The following KCNAB1 variants were observed in gnomAD, a reference collection of about 807,000 sequenced individuals.
KCNAB1 encodes voltage-gated potassium channel subunit beta-1.
Under a neutral mutation model 64.6 loss-of-function variants are expected in KCNAB1, and 35 were observed. The observed-to-expected ratio is 0.54, with a 90% CI of 0.41 to 0.72. The LOEUF (loss-of-function observed/expected upper bound fraction) is 0.72. Ranked by LOEUF, KCNAB1 falls within the 30% of genes least tolerant of loss-of-function variation. The pLI is 0.00. For synonymous variants in KCNAB1, 177 were observed against 183.8 expected (o/e 0.96, Z 0.30); for missense variants, 401 against 512.9 (o/e 0.78, Z 2.11).
chr3:156,154,716 G>C (rs1317853941), intron 1 of KCNAB1, among the ~76,000 whole-genome samples: 1 of 152,140 alleles, frequency 6.6e-6, no homozygotes, highest in Non-Finnish European at 1.5e-5. Context: ...ACTTAAGTCT[G>C]CCCTACTCTA....
chr3:156,490,201 G>C (rs1715531757), intron 8 of KCNAB1, among the ~76,000 whole-genome samples: 1 of 152,090 alleles, frequency 6.6e-6, no homozygotes, highest in Non-Finnish European at 1.5e-5. Context: ...GCAGAAGACA[G>C]AGTATCTCCT....
At chr3:156,229,540 A>G (rs1716392974) in intron 1 of KCNAB1, among the ~76,000 whole-genome samples, 1 of 152,066 alleles carries the variant, frequency 6.6e-6, no homozygotes, top group Admixed American at 6.5e-5. Context: ...TGTTGGATGC[A>G]TTAGTGGAAA....
At chr3:156,287,975 A>T (rs537967805) in intron 1 of KCNAB1, among the ~76,000 whole-genome samples, 3 of 152,222 alleles carry the variant, frequency 2.0e-5, no homozygotes, top group Admixed American at 2.0e-4. Flanking sequence ...CTATATCTGT[A>T]TTAATTTGTT....
intron 1 of KCNAB1, among the ~76,000 whole-genome samples, chr3:156,338,696 C>T (rs1723900637): frequency 6.6e-6 from 1 of 152,094 alleles, no homozygotes; most frequent in Non-Finnish European, 1.5e-5. Flanking sequence ...GAAAACAGAC[C>T]CATTGGGTCT....
chr3:156,430,016 CA>C (rs1452715897), intron 2 of KCNAB1, among the ~76,000 whole-genome samples: 2 of 152,100 alleles, frequency 1.3e-5, no homozygotes, highest in Non-Finnish European at 2.9e-5. Context: ...TGTATTTTTC[CA>C]AAATTGTCTA....
intron 8 of KCNAB1, among the ~76,000 whole-genome samples, chr3:156,485,391 A>G (rs1410783683): frequency 2.0e-5 from 3 of 152,050 alleles, no homozygotes; most frequent in African/African-American, 4.8e-5. Flanking sequence ...CCATTGTGAC[A>G]TTTCATTCAT....
At chr3:156,178,845 C>CA (rs1293386262) in intron 1 of KCNAB1, among the ~76,000 whole-genome samples, 1 of 151,548 alleles carries the variant, frequency 6.6e-6, no homozygotes, top group Non-Finnish European at 1.5e-5. Context: ...ACTAAAAATA[C>CA]AAAAAATTAG....
At chr3:156,351,503 C>T (rs763725312) in intron 1 of KCNAB1, among the ~76,000 whole-genome samples, 6 of 152,182 alleles carry the variant, frequency 3.9e-5, no homozygotes, top group Non-Finnish European at 8.8e-5. Flanking sequence ...TTGTTCATTG[C>T]CCCCCAATTT....
chr3:156,303,608 G>A (rs1217430019), intron 1 of KCNAB1, among the ~76,000 whole-genome samples: 1 of 152,154 alleles, frequency 6.6e-6, no homozygotes, highest in African/African-American at 2.4e-5. Flanking sequence ...TTCTAAAATA[G>A]GGATAGGAGG....
chr3:156,421,594 T>A, intron 1 of KCNAB1, 22 bp from the exon 2 acceptor site: 2 of 1,612,418 alleles, frequency 1.2e-6, no homozygotes, highest in East Asian at 2.2e-5. Context: ...GATGACCAAG[T>A]GTTGCTTTGT....
At chr3:156,332,084 T>C (rs1297508888) in intron 1 of KCNAB1, among the ~76,000 whole-genome samples, 5 of 152,148 alleles carry the variant, frequency 3.3e-5, no homozygotes. Flanking sequence ...ATACTCTTGA[T>C]TGGAATGACT....
chr3:156,376,698 A>G (rs1023464485), intron 1 of KCNAB1, among the ~76,000 whole-genome samples: 18 of 152,244 alleles, frequency 1.2e-4, no homozygotes, highest in Admixed American at 2.0e-4. Flanking sequence ...TTGGCTGGAA[A>G]GAAAAGGGAG....
chr3:156,307,291 T>C (rs1721556059), intron 1 of KCNAB1, among the ~76,000 whole-genome samples: 2 of 152,116 alleles, frequency 1.3e-5, no homozygotes, highest in South Asian at 4.1e-4. Context: ...TCAGAGACTA[T>C]ACTGATTTGA....
At chr3:156,129,604 T>C (rs1249068432) in intron 1 of KCNAB1, among the ~76,000 whole-genome samples, 1 of 152,196 alleles carries the variant, frequency 6.6e-6, no homozygotes, top group Non-Finnish European at 1.5e-5. Context: ...AAAATCAGAA[T>C]AACAGGGTTA....
chr3:156,506,095 T>C (rs1481043419), intron 8 of KCNAB1, among the ~76,000 whole-genome samples: 1 of 152,224 alleles, frequency 6.6e-6, no homozygotes, highest in Admixed American at 6.5e-5. Context: ...TTGTAAATGA[T>C]ATTGCTTTCA....
intron 2 of KCNAB1, among the ~76,000 whole-genome samples, chr3:156,451,892 G>A (rs1712034460): frequency 6.6e-6 from 1 of 151,882 alleles, no homozygotes; most frequent in Admixed American, 6.6e-5. Flanking sequence ...ACCTCTTCTA[G>A]GAAGTCTTCC....
rs77183430 is a variant in KCNAB1, at chr3:156,378,346, G to T, written c.276-43270G>T. Reference sequence around the variant, plus strand: ...TGGTGGAGCTTCTCTGACCCTTACAGTCCACCCAGAAAAAAAGGCAGACAC... The same window carrying T: ...TGGTGGAGCTTCTCTGACCCTTACATTCCACCCAGAAAAAAAGGCAGACAC... On this transcript the variant is annotated intron_variant, in intron 1 of 13. Transcript: ENST00000490337. Among the ~76,000 whole-genome samples the T allele has an allele frequency of 8.8e-4, 134 of 152,170 alleles. 1 individual carries two copies. Among genetic ancestry groups the T allele is most frequent in the African/African-American group, 3.2e-3 (132 of 41,518 alleles).
At chr3:156,390,702 C>T (rs1442292911) in intron 1 of KCNAB1, among the ~76,000 whole-genome samples, 1 of 152,154 alleles carries the variant, frequency 6.6e-6, no homozygotes, top group Non-Finnish European at 1.5e-5. Context: ...CCTGCCTCAG[C>T]CTCCCGAGTA....
chr3:156,428,488 T>TACACACACACACACACACACACAC (rs4056995), intron 2 of KCNAB1, among the ~76,000 whole-genome samples: 44 of 127,566 alleles, frequency 3.4e-4, no homozygotes, highest in African/African-American at 9.0e-4. Flanking sequence ...AATTCCTCTA[T>TACACACACACACACACACACACAC]ACACACACAC....
Sources: gnomAD v4.1 joint callset for allele counts (sites outside exome capture counted in the v4.1 genomes callset) on GRCh38, gnomAD v4.1.1 for gene constraint, MANE v1.5 for transcripts, NCBI Gene and HGNC (gene_info 2026-07-23, HGNC 2026-07-21) for gene names.